The following KIF16B variants were observed in gnomAD, a reference collection of about 807,000 sequenced individuals.
The protein encoded by KIF16B is kinesin family member 16B.
A neutral mutation model predicts 156.3 loss-of-function variants in KIF16B; 98 were observed. That is an observed-to-expected ratio of 0.63 (90% CI 0.53 to 0.74). The LOEUF is 0.74. KIF16B is among the 30% of genes least tolerant of loss of function. The probability of loss-of-function intolerance (pLI) is 0.00; values close to 1 mark genes in which losing one functional copy is unlikely to be tolerated. For synonymous variants in KIF16B, 564 were observed against 583.7 expected (o/e 0.97, Z 0.49); for missense variants, 1,421 against 1,606.5 (o/e 0.88, Z 1.97).
chr20:16,282,326 C>A (rs2122347995), intron 25 of KIF16B, among the ~76,000 whole-genome samples: 1 of 151,642 alleles, frequency 6.6e-6, no homozygotes, highest in South Asian at 2.1e-4. Context: ...AGCCATCGCG[C>A]CTGACGGTGC....
Position 16,273,140 on chromosome 20 carries a change from TG to T in KIF16B, c.*112del, listed in dbSNP as rs991487728. On this transcript the variant is annotated 3_prime_UTR_variant, in exon 26 of 26. Transcript: ENST00000354981. ...TGGCCCGGGCCCGCTGCTGCATGTC[TG>T]TCTTCAGCAGGAGGAGGCAGACCCG... is the stretch of plus-strand genomic sequence containing the variant. The T allele has an allele frequency of 1.2e-5, 11 of 883,542 alleles. No homozygotes were observed. Among genetic ancestry groups the T allele is most frequent in the Non-Finnish European group, 2.0e-5 (11 of 547,236 alleles). The allele number at this position is 883,542 out of a possible 1,614,324, so 54.7% of individuals were successfully genotyped here.
chr20:16,291,774 T>C (rs1311086536), intron 25 of KIF16B, among the ~76,000 whole-genome samples: 1 of 152,188 alleles, frequency 6.6e-6, no homozygotes, highest in African/African-American at 2.4e-5. Flanking sequence ...TCCAAATAAG[T>C]AAACTGCATA....
chr20:16,338,232 C>T (rs567477199), intron 23 of KIF16B, among the ~76,000 whole-genome samples: 4 of 152,168 alleles, frequency 2.6e-5, no homozygotes, highest in South Asian at 2.1e-4. Context: ...CTTCTCCCCC[C>T]ACACTCTTCA....
At chr20:16,383,484 A>G (rs947401900) in intron 17 of KIF16B, among the ~76,000 whole-genome samples, 4 of 152,238 alleles carry the variant, frequency 2.6e-5, no homozygotes, top group Non-Finnish European at 2.9e-5. Flanking sequence ...AAATGGAAAT[A>G]ATCTGTACCT....
chr20:16,485,579 A>G (rs1024634273), intron 12 of KIF16B, among the ~76,000 whole-genome samples: 4 of 152,218 alleles, frequency 2.6e-5, no homozygotes, highest in Non-Finnish European at 5.9e-5. Flanking sequence ...ATCAAATATC[A>G]TCCCCTCCCA....
chr20:16,457,280 C>T (rs2067236031), intron 12 of KIF16B, among the ~76,000 whole-genome samples: 1 of 152,110 alleles, frequency 6.6e-6, no homozygotes, highest in South Asian at 2.1e-4. Context: ...CAAATAAGAT[C>T]TGTGTGGTCC....
At chr20:16,282,615 A>G (rs968190100) in intron 25 of KIF16B, among the ~76,000 whole-genome samples, 2 of 152,066 alleles carry the variant, frequency 1.3e-5, no homozygotes, top group Admixed American at 1.3e-4. Context: ...AGCAGGAAGC[A>G]GGTACCAAGC....
At chr20:16,513,655 CG>C (rs376070770) in intron 4 of KIF16B, among the ~76,000 whole-genome samples, 16,441 of 103,076 alleles carry the variant, frequency 0.16, 1,274 homozygotes, top group Non-Finnish European at 0.2. Context: ...AGCAAAACTA[CG>C]TTTAAAAAAA....
Position 16,379,212 on chromosome 20 carries a change from A to G in KIF16B, c.2790T>C (p.Ile930=). 1 of 1,614,084 alleles carries G rather than the reference A, an allele frequency of 6.2e-7. No individual in the cohort carries two copies. The highest frequency in any genetic ancestry group is 1.1e-5 in the South Asian group (1 of 91,084). ...LLEEKQRAFE[I]LDRGPLSLDN... ...CTAAGCTGAGAGGGCCTCTGTCAAG[A>G]ATTTCAAATGCTCTCTGCTTTTCTT... The change falls in exon 19 of 26, where the codon ATT becomes ATC. Residue 930 remains isoleucine (I), a synonymous_variant. Coordinates refer to ENST00000354981, the MANE Select transcript of KIF16B (RefSeq NM_024704.5).
At position 16,298,932 on chromosome 20, in the gene KIF16B, C is replaced by A. The variant is rs116985181; in HGVS notation, c.3795+13403G>T. 1.7e-3 allele frequency among the ~76,000 whole-genome samples: 254 copies of A among 151,750 alleles called. 2 individuals are homozygous for A. In the East Asian group the frequency reaches 0.035, roughly 21 times the overall value. ...TAAAAAAAAAAAAAGAGAGAAAAAC[C>A]TACAGATTGTAAGAAACCAGAAAGA... On this transcript the variant is annotated intron_variant, in intron 25 of 25. Coordinates refer to ENST00000354981, the MANE Select transcript of KIF16B (RefSeq NM_024704.5).
At chr20:16,491,038 C>T (rs908682754) in intron 12 of KIF16B, among the ~76,000 whole-genome samples, 2 of 152,050 alleles carry the variant, frequency 1.3e-5, no homozygotes, top group East Asian at 1.9e-4. Context: ...AGAAGCAAAA[C>T]CAAATACTGC....
At chr20:16,309,690 A>G (rs1041043036) in intron 25 of KIF16B, among the ~76,000 whole-genome samples, 1 of 152,308 alleles carries the variant, frequency 6.6e-6, no homozygotes, top group African/African-American at 2.4e-5. Flanking sequence ...TTATACAGCT[A>G]TATCATGGTG....
chr20:16,466,706 A>G (rs1008140237), intron 12 of KIF16B, among the ~76,000 whole-genome samples: 8 of 152,234 alleles, frequency 5.3e-5, no homozygotes, highest in African/African-American at 1.9e-4. Flanking sequence ...TATCTTTATT[A>G]GCACATGAAA....
intron 1 of KIF16B, among the ~76,000 whole-genome samples, chr20:16,534,811 G>C (rs1360343449): frequency 6.6e-6 from 1 of 152,046 alleles, no homozygotes; most frequent in East Asian, 1.9e-4. Context: ...TTGAAAATAT[G>C]TGGATTTATT....
intron 23 of KIF16B, among the ~76,000 whole-genome samples, chr20:16,336,333 G>GA (rs929802112): frequency 5.3e-4 from 80 of 152,072 alleles, no homozygotes; most frequent in African/African-American, 1.9e-3. Context: ...GGTGGAAGAG[G>GA]AAAAAAATCT....
At chr20:16,308,521 G>C (rs2063572609) in intron 25 of KIF16B, among the ~76,000 whole-genome samples, 1 of 152,210 alleles carries the variant, frequency 6.6e-6, no homozygotes, top group African/African-American at 2.4e-5. Flanking sequence ...TGTTCTAAAA[G>C]ACAACTGAGT....
At chr20:16,491,699 A>G (rs1232500819) in intron 12 of KIF16B, among the ~76,000 whole-genome samples, 1 of 152,178 alleles carries the variant, frequency 6.6e-6, no homozygotes, top group African/African-American at 2.4e-5. Context: ...TGAGTTCTGC[A>G]GATCAAAGCC....
chr20:16,464,245 A>G (rs1489291506), intron 12 of KIF16B, among the ~76,000 whole-genome samples: 1 of 152,218 alleles, frequency 6.6e-6, no homozygotes, highest in African/African-American at 2.4e-5. Context: ...TTACATTTAA[A>G]TTTATTTGCA....
chr20:16,534,834 G>C (rs908732385), intron 1 of KIF16B, among the ~76,000 whole-genome samples: 1 of 151,996 alleles, frequency 6.6e-6, no homozygotes, highest in Non-Finnish European at 1.5e-5. Flanking sequence ...TGGGTTCTCT[G>C]TTCTGCTCCA....
Sources: allele counts gnomAD v4.1 joint callset (sites outside exome capture counted in the v4.1 genomes callset), GRCh38; gene constraint gnomAD v4.1.1; transcripts MANE v1.5; gene names NCBI Gene and HGNC (gene_info 2026-07-23, HGNC 2026-07-21).